Variants in CCDC146 observed in about 807,000 individuals in gnomAD.
The protein encoded by CCDC146 is coiled-coil domain containing 146.
CCDC146 carries 92 observed loss-of-function variants against 119.3 expected under a neutral mutation model. The observed-to-expected ratio is 0.77, with a 90% confidence interval of 0.65 to 0.92. The LOEUF (loss-of-function observed/expected upper bound fraction) is 0.92, where lower values mean the gene tolerates loss of function less well. Among genes scored for constraint, CCDC146 ranks in the 40% least tolerant of loss-of-function variants. The pLI is 0.00. For synonymous variants in CCDC146, 372 were observed against 371.8 expected, an observed-to-expected ratio of 1.00 and a Z score of -0.01; for missense variants, 1,000 against 1,103.0, an observed-to-expected ratio of 0.91 and a Z score of 1.32.
At chr7:77,198,057 A>G (rs1791909090) in intron 2 of CCDC146, 2 of 856,802 alleles carry the variant, frequency 2.3e-6, no homozygotes, top group African/African-American at 1.8e-5. Context: ...AAAATAGACA[A>G]TAGTCTTCAT....
intron 2 of CCDC146, among the ~76,000 whole-genome samples, chr7:77,212,668 GAT>G (rs1792209958): frequency 6.7e-6 from 1 of 150,006 alleles, no homozygotes; most frequent in African/African-American, 2.4e-5. Flanking sequence ...CATTCACAGT[GAT>G]ATGTCTCAAA....
intron 1 of CCDC146, among the ~76,000 whole-genome samples, chr7:77,149,514 C>G (rs1791074742): frequency 6.6e-6 from 1 of 151,728 alleles, no homozygotes; most frequent in South Asian, 2.1e-4. Flanking sequence ...GTCTGTAATC[C>G]CAGCACTTTG....
At chr7:77,201,007 ACT>A (rs1420157956) in intron 2 of CCDC146, among the ~76,000 whole-genome samples, 2 of 152,094 alleles carry the variant, frequency 1.3e-5, no homozygotes, top group East Asian at 3.8e-4. Context: ...ATTTCCTATG[ACT>A]TTTCTGTATA....
intron 4 of CCDC146, among the ~76,000 whole-genome samples, chr7:77,245,758 T>A (rs1215673723): frequency 6.6e-6 from 1 of 152,106 alleles, no homozygotes; most frequent in Non-Finnish European, 1.5e-5. Flanking sequence ...AGGAATGATC[T>A]TAGCAACACA....
chr7:77,268,361 T>C (rs763309315), intron 9 of CCDC146, among the ~76,000 whole-genome samples: 2 of 152,186 alleles, frequency 1.3e-5, no homozygotes, highest in Non-Finnish European at 2.9e-5. Flanking sequence ...GGGCAATTGT[T>C]TATGTTCAAC....
chr7:77,233,572 G>T (rs571455049), intron 2 of CCDC146, among the ~76,000 whole-genome samples: 1 of 152,268 alleles, frequency 6.6e-6, no homozygotes, highest in East Asian at 1.9e-4. Context: ...TTTCCGTGGG[G>T]CAGAAGGAAT....
intron 2 of CCDC146, among the ~76,000 whole-genome samples, chr7:77,185,910 A>C (rs1350292748): frequency 6.6e-6 from 1 of 152,242 alleles, no homozygotes; most frequent in East Asian, 1.9e-4. Context: ...TCTATTGATC[A>C]TGAGAGAAGT....
At chr7:77,177,662 G>T (rs1057035724) in intron 2 of CCDC146, among the ~76,000 whole-genome samples, 1 of 152,112 alleles carries the variant, frequency 6.6e-6, no homozygotes, top group Non-Finnish European at 1.5e-5. Context: ...AATATTTCTA[G>T]TATGTTTCCC....
At chr7:77,167,899 T>C in intron 2 of CCDC146, 75 bp downstream of exon 2, 1 of 1,531,928 alleles carries the variant, frequency 6.5e-7, no homozygotes, top group Non-Finnish European at 8.8e-7. Context: ...GAAGCCAATA[T>C]CATTATCAAA....
intron 2 of CCDC146, among the ~76,000 whole-genome samples, chr7:77,220,465 C>T (rs371206983): frequency 7.2e-5 from 11 of 152,264 alleles, no homozygotes; most frequent in African/African-American, 1.4e-4. Flanking sequence ...ACATCCTCAG[C>T]TTACGAAGAT....
intron 7 of CCDC146, among the ~76,000 whole-genome samples, chr7:77,259,717 AG>A (rs1267677491): frequency 3.3e-5 from 5 of 152,162 alleles, no homozygotes; most frequent in Non-Finnish European, 7.4e-5. Context: ...GGTCAGGACG[AG>A]GGTTGAATCA....
chr7:77,150,860 A>G (rs112668281), intron 1 of CCDC146, among the ~76,000 whole-genome samples: 4,126 of 152,330 alleles, frequency 0.027, 77 homozygotes, highest in Middle Eastern at 0.048. Context: ...ATGCAATGCA[A>G]TTGAACTCAG....
chr7:77,236,005 A>T (rs1241192489), intron 2 of CCDC146, among the ~76,000 whole-genome samples: 1 of 151,718 alleles, frequency 6.6e-6, no homozygotes. Flanking sequence ...CGGGAGGCAG[A>T]GGTTGCAGTG....
intron 9 of CCDC146, among the ~76,000 whole-genome samples, chr7:77,272,894 T>C (rs531049128): frequency 3.4e-4 from 51 of 152,212 alleles, no homozygotes; most frequent in Non-Finnish European, 6.5e-4. Flanking sequence ...TTGAGGCTTT[T>C]CTTTTGTGTA....
At chr7:77,138,265 C>A (rs1790885804) in intron 1 of CCDC146, among the ~76,000 whole-genome samples, 1 of 143,502 alleles carries the variant, frequency 7.0e-6, no homozygotes, top group Non-Finnish European at 1.5e-5. Context: ...GTATTTTCAA[C>A]AAATGGTGCT....
intron 7 of CCDC146, 109 bp from the exon 8 acceptor site, chr7:77,259,900 C>T: frequency 1.3e-6 from 1 of 747,486 alleles, no homozygotes; most frequent in Non-Finnish European, 2.2e-6. Context: ...GGTTAGAAAG[C>T]AAGAATAGGT....
chr7:77,185,859 GA>G (rs1219834734), intron 2 of CCDC146, among the ~76,000 whole-genome samples: 1 of 152,142 alleles, frequency 6.6e-6, no homozygotes, highest in Non-Finnish European at 1.5e-5. Context: ...ATGGAACTTG[GA>G]ATTCTATCAG....
intron 2 of CCDC146, chr7:77,198,627 A>G (rs1197981286): frequency 2.0e-5 from 3 of 152,878 alleles, no homozygotes; most frequent in African/African-American, 7.2e-5. Flanking sequence ...TTTTTGTGCC[A>G]CTAGGTCTCA....
intron 2 of CCDC146, among the ~76,000 whole-genome samples, chr7:77,186,744 GC>G (rs1791673795): frequency 6.6e-6 from 1 of 152,106 alleles, no homozygotes. Context: ...GAATCAGGCA[GC>G]CCCCAAAATC....
Sources: allele counts gnomAD v4.1 joint callset (sites outside exome capture counted in the v4.1 genomes callset), GRCh38; gene constraint gnomAD v4.1.1; transcripts MANE v1.5; gene names NCBI Gene and HGNC (gene_info 2026-07-23, HGNC 2026-07-21).